COL4A2: variants seen among roughly 807,000 people sequenced by gnomAD.
COL4A2 encodes collagen type IV alpha 2 chain, also known as collagen alpha-2(IV) chain.
In COL4A2, 99 loss-of-function variants were observed where a neutral mutation model predicts 200.2. That is an observed-to-expected ratio of 0.49 (90% confidence interval 0.42 to 0.58). The LOEUF (loss-of-function observed/expected upper bound fraction) is 0.58. Ranked by LOEUF, COL4A2 falls within the 20% of genes least tolerant of loss-of-function variation. The pLI, the probability that COL4A2 is intolerant of heterozygous loss-of-function variation, is 0.00. For missense variants in COL4A2, 1,950 were observed against 2,314.1 expected (o/e 0.84, Z 3.23); for synonymous variants, 897 against 900.6 (o/e 1.00, Z 0.07).
chr13:110,438,807 C>CG lies in COL4A2; in HGVS notation c.912+139_912+140insG, dbSNP rs1232831322. 2.1e-5 allele frequency: 16 copies of CG among 771,986 alleles called. 1 individual carries two copies. The highest frequency in any genetic ancestry group is 7.5e-5 in the African/African-American group (3 of 39,946). 47.8% of individuals were successfully genotyped at this position (771,986 alleles called of 1,614,324 possible). Reference sequence around the variant, plus strand: ...ATTTCCCGTTATTACTCCCCACCCCCCCCCACACACACACACAGCAGCCCC... The same window carrying CG: ...ATTTCCCGTTATTACTCCCCACCCCCGCCCCACACACACACACAGCAGCCCC... On this transcript the variant is annotated intron_variant, in intron 15 of 47. Transcript: ENST00000360467.
intron 22 of COL4A2, 185 bp from the exon 23 acceptor site, chr13:110,461,929 G>A: frequency 1.3e-6 from 1 of 769,644 alleles, no homozygotes; most frequent in Non-Finnish European, 2.1e-6. Context: ...TGTGGCCAGT[G>A]GCCCCACACT....
chr13:110,318,013 G>T (rs1026209031), intron 3 of COL4A2, among the ~76,000 whole-genome samples: 6 of 152,164 alleles, frequency 3.9e-5, no homozygotes, highest in African/African-American at 4.8e-5. Flanking sequence ...TTTCATGGAA[G>T]TCCCCATGCG....
At chr13:110,314,201 G>C (rs891275430) in intron 3 of COL4A2, among the ~76,000 whole-genome samples, 1 of 152,288 alleles carries the variant, frequency 6.6e-6, no homozygotes, top group Middle Eastern at 3.4e-3. Flanking sequence ...ATGATGTCTG[G>C]GTGAAGGGTA....
At position 110,465,491 on chromosome 13, in the gene COL4A2, A is replaced by G; in HGVS notation, c.1863A>G (p.Pro621=). Residue 621 remains proline, a synonymous_variant, in exon 25 of 48, where the codon CCA becomes CCG. Transcript: ENST00000360467. ...TKGTPGEMGP[P]GLGLPGLKGQ... is the part of the protein sequence containing the mutation. ...GTACTCCAGGAGAAATGGGCCCCCC[A>G]GGACTGGGCCTTCCCGGCCTCAAAG... 6 of 1,614,034 alleles carry G rather than the reference A, an allele frequency of 3.7e-6. No individual in the cohort carries two copies. The highest frequency in any genetic ancestry group is 5.1e-6 in the Non-Finnish European group (6 of 1,180,006).
intron 3 of COL4A2, among the ~76,000 whole-genome samples, chr13:110,322,450 G>A (rs540750559): frequency 4.6e-5 from 7 of 152,218 alleles, no homozygotes; most frequent in Non-Finnish European, 1.0e-4. Flanking sequence ...CAGACCTAAA[G>A]CAGTTCTCCT....
chr13:110,472,273 A>G (rs367625597), intron 28 of COL4A2, among the ~76,000 whole-genome samples: 3,085 of 151,568 alleles, frequency 0.02, 54 homozygotes, highest in Non-Finnish European at 0.03. Context: ...CCGCCACCAC[A>G]CCTGGCTAAT....
rs1879195308 is a variant in COL4A2, at chr13:110,396,761, G to GA, written c.181-27973_181-27972insA. Among the ~76,000 whole-genome samples the GA allele has an allele frequency of 1.5e-4, 3 of 20,046 alleles. No homozygotes were observed. The East Asian group carries it at 6.7e-3, about 45-fold the overall frequency. 13.2% of individuals were successfully genotyped at this position (20,046 alleles called of 152,430 possible). A position where few individuals can be genotyped will look rare whatever the true frequency, so the allele number is the denominator to read the frequency against. ...TTTTCTTGTGAGGAGAGAATTAAAG[G>GA]CGTTTCCAATCCCTAATGATAAAAC... is the stretch of plus-strand genomic sequence containing the variant. On this transcript the variant is annotated intron_variant, in intron 4 of 47. Coordinates refer to ENST00000360467, the MANE Select transcript of COL4A2 (RefSeq NM_001846.4).
chr13:110,424,186 C>A (rs1239880701), intron 4 of COL4A2, among the ~76,000 whole-genome samples: 2 of 152,086 alleles, frequency 1.3e-5, no homozygotes, highest in African/African-American at 2.4e-5. Flanking sequence ...CACATCCTCA[C>A]CAATACTTAT....
At chr13:110,438,548 A>T (rs989507060) in intron 14 of COL4A2, 70 bp from the exon 15 acceptor site, 1 of 1,575,850 alleles carries the variant, frequency 6.3e-7, no homozygotes, top group Non-Finnish European at 8.7e-7. Context: ...GCAGAGGATG[A>T]CACGTGGGCC....
intron 3 of COL4A2, among the ~76,000 whole-genome samples, chr13:110,350,589 C>T (rs1416465695): frequency 6.6e-6 from 1 of 152,202 alleles, no homozygotes; most frequent in African/African-American, 2.4e-5. Context: ...TAACTCCTAC[C>T]TTCTGTTGCA....
intron 28 of COL4A2, among the ~76,000 whole-genome samples, chr13:110,470,861 G>A (rs1036207143): frequency 6.6e-6 from 1 of 152,188 alleles, no homozygotes; most frequent in Non-Finnish European, 1.5e-5. Context: ...AGCCCGTAGG[G>A]ATTGTTCCAA....
chr13:110,477,917 T>C, intron 29 of COL4A2, 86 bp from the exon 30 acceptor site: 5 of 1,273,010 alleles, frequency 3.9e-6, no homozygotes, highest in Non-Finnish European at 5.1e-6. Context: ...TTGCTCTTTT[T>C]ACAGAATGAG....
At chr13:110,409,783 T>A (rs1879757771) in intron 4 of COL4A2, among the ~76,000 whole-genome samples, 3 of 152,240 alleles carry the variant, frequency 2.0e-5, no homozygotes, top group Admixed American at 1.3e-4. Flanking sequence ...GGTTTGTTGT[T>A]CTTTTTTTAA....
At chr13:110,388,473 CT>C (rs1878855969) in intron 4 of COL4A2, among the ~76,000 whole-genome samples, 2 of 152,232 alleles carry the variant, frequency 1.3e-5, no homozygotes, top group Non-Finnish European at 2.9e-5. Flanking sequence ...GCCCTGTACT[CT>C]GTCATGCTCC....
rs372434597 is a variant in COL4A2, at chr13:110,503,628, G to A, written c.4138+147G>A. On this transcript the variant is annotated intron_variant, in intron 43 of 47. Coordinates refer to ENST00000360467, the MANE Select transcript of COL4A2 (RefSeq NM_001846.4). Reference sequence around the variant, plus strand: ...AGGGAGGAAACCAAGGCTGTGCCTCGGATGTTGTCACAGGACCTTGGGGAA... The same window carrying A: ...AGGGAGGAAACCAAGGCTGTGCCTCAGATGTTGTCACAGGACCTTGGGGAA... The A allele has an allele frequency of 3.4e-4, 243 of 718,410 alleles. 1 individual carries two copies. The African/African-American group carries it at 3.8e-3, about 11-fold the overall frequency. 44.5% of individuals were successfully genotyped at this position (718,410 alleles called of 1,614,324 possible).
At chr13:110,439,584 C>A (rs192033458) in intron 15 of COL4A2, among the ~76,000 whole-genome samples, 117 of 152,348 alleles carry the variant, frequency 7.7e-4, no homozygotes, top group African/African-American at 2.7e-3. Context: ...CACCTCCCCA[C>A]AACTTTGTAA....
chr13:110,427,559 A>ACCAAACTAAAATTTATC (rs1416680877), intron 6 of COL4A2, among the ~76,000 whole-genome samples: 2 of 152,254 alleles, frequency 1.3e-5, no homozygotes, highest in East Asian at 3.8e-4. Context: ...TATTATCAAG[A>ACCAAACTAAAATTTATC]AAACTAAAGT....
At chr13:110,473,254 C>A in intron 29 of COL4A2, 104 bp downstream of exon 29, 1 of 1,090,132 alleles carries the variant, frequency 9.2e-7, no homozygotes, top group Non-Finnish European at 1.3e-6. Flanking sequence ...GCAGCGGTGC[C>A]CTATAGTGCT....
chr13:110,343,420 C>T (rs9559773), intron 3 of COL4A2, among the ~76,000 whole-genome samples: 14,694 of 152,180 alleles, frequency 0.097, 1,068 homozygotes, highest in South Asian at 0.3. Context: ...AAGGCATCCT[C>T]GATCCCTGCT....
Sources: gnomAD v4.1 joint callset for allele counts (sites outside exome capture counted in the v4.1 genomes callset) on GRCh38, gnomAD v4.1.1 for gene constraint, MANE v1.5 for transcripts, NCBI Gene and HGNC (gene_info 2026-07-23, HGNC 2026-07-21) for gene names.